LGSN: variants seen among roughly 807,000 people sequenced by gnomAD.
The protein encoded by LGSN is lengsin.
Under a neutral mutation model 19.5 loss-of-function variants are expected in LGSN, and 21 were observed. The ratio of observed to expected loss-of-function variants is 1.07; its 90% CI spans 0.76 to 1.55. The LOEUF (loss-of-function observed/expected upper bound fraction) is 1.55. Among genes scored for constraint, LGSN ranks in the 40% most tolerant of loss-of-function variants. The pLI, the probability that LGSN is intolerant of heterozygous loss-of-function variation, is 0.00. For missense variants in LGSN, 673 were observed against 608.5 expected (o/e 1.11, Z -1.12); for synonymous variants, 257 against 215.6 (o/e 1.19, Z -1.68).
At chr6:63,572,590 G>A in the LGSN span, 4 of 415,830 alleles carry the variant, frequency 9.6e-6, no homozygotes, top group Admixed American at 4.4e-5. Context: ...CGCCTGCATC[G>A]CCGCCACCGC....
At chr6:63,571,610 T>TA in the LGSN span, 3 of 152,238 alleles carry the variant, frequency 2.0e-5, no homozygotes, top group African/African-American at 7.2e-5. Context: ...TCTTAATTTC[T>TA]AAAAACGCTT....
At chr6:63,446,243 CAAAAAAAA>C in the LGSN span, among the ~76,000 whole-genome samples, 1 of 74,744 alleles carries the variant, frequency 1.3e-5, no homozygotes, top group Non-Finnish European at 2.4e-5. Context: ...GACTGTGTCT[CAAAAAAAA>C]AAAAAAAAAA....
the LGSN span, among the ~76,000 whole-genome samples, chr6:63,392,881 C>CTTTTTTTTT: frequency 1.2e-3 from 134 of 109,882 alleles, 1 homozygote; most frequent in African/African-American, 1.6e-3. Context: ...TCTTCTTCTT[C>CTTTTTTTTT]TTTTTTTTTT....
chr6:63,514,544 A>G, the LGSN span, among the ~76,000 whole-genome samples: 6 of 152,158 alleles, frequency 3.9e-5, no homozygotes, highest in Non-Finnish European at 5.9e-5. Context: ...ACGTTTTATC[A>G]TATATTTTTT....
At chr6:63,302,322 G>A (rs1315852464) in intron 1 of LGSN, among the ~76,000 whole-genome samples, 1 of 152,088 alleles carries the variant, frequency 6.6e-6, no homozygotes. Flanking sequence ...ACCATTTTAA[G>A]TCTTATTCAC....
At chr6:63,419,345 G>A in the LGSN span, among the ~76,000 whole-genome samples, 1 of 152,022 alleles carries the variant, frequency 6.6e-6, no homozygotes, top group Non-Finnish European at 1.5e-5. Context: ...GATTTTTTTA[G>A]GCACAACCAT....
chr6:63,422,368 A>C, the LGSN span, among the ~76,000 whole-genome samples: 75 of 152,142 alleles, frequency 4.9e-4, no homozygotes, highest in Admixed American at 7.9e-4. Flanking sequence ...CTGGTCCCCC[A>C]AAAAAATCTT....
chr6:63,492,036 A>G, the LGSN span, among the ~76,000 whole-genome samples: 398 of 151,724 alleles, frequency 2.6e-3, 5 homozygotes, highest in African/African-American at 8.2e-3. Context: ...TCTCAAAAAA[A>G]AAAAAAAAAA....
chr6:63,539,483 A>G, the LGSN span, among the ~76,000 whole-genome samples: 1 of 152,180 alleles, frequency 6.6e-6, no homozygotes, highest in Admixed American at 6.5e-5. Flanking sequence ...CTAAAAGAAA[A>G]TAGGCAAAGG....
chr6:63,420,070 G>GC, the LGSN span, among the ~76,000 whole-genome samples: 2 of 151,660 alleles, frequency 1.3e-5, no homozygotes, highest in Non-Finnish European at 2.9e-5. Context: ...GGGCATGATG[G>GC]CAGGCTCCTG....
chr6:63,534,911 C>A, the LGSN span, among the ~76,000 whole-genome samples: 1 of 150,616 alleles, frequency 6.6e-6, no homozygotes, highest in Non-Finnish European at 1.5e-5. Context: ...AATACAAAAA[C>A]TAGCTGGGTG....
the LGSN span, among the ~76,000 whole-genome samples, chr6:63,444,396 C>CT: frequency 3.9e-4 from 60 of 152,264 alleles, no homozygotes; most frequent in African/African-American, 1.4e-3. Flanking sequence ...GTGTGATAGA[C>CT]TAAAATCATT....
At chr6:63,417,436 A>G in the LGSN span, among the ~76,000 whole-genome samples, 1 of 152,148 alleles carries the variant, frequency 6.6e-6, no homozygotes, top group South Asian at 2.1e-4. Flanking sequence ...TCTCAGTCCT[A>G]AGGGTGATAG....
chr6:63,397,449 G>A, the LGSN span, among the ~76,000 whole-genome samples: 12 of 142,464 alleles, frequency 8.4e-5, no homozygotes, highest in African/African-American at 2.8e-4. Context: ...GTCGGCTTGG[G>A]AGAAAAAAAA....
At chr6:63,478,533 T>C in the LGSN span, among the ~76,000 whole-genome samples, 1 of 151,954 alleles carries the variant, frequency 6.6e-6, no homozygotes, top group African/African-American at 2.4e-5. Flanking sequence ...ATAAGTTGAG[T>C]TACATCACCC....
the LGSN span, among the ~76,000 whole-genome samples, chr6:63,454,256 G>A: frequency 1.3e-5 from 2 of 152,010 alleles, no homozygotes; most frequent in Non-Finnish European, 2.9e-5. Flanking sequence ...TTTTGCATGA[G>A]GGAAGTTTAA....
the LGSN span, among the ~76,000 whole-genome samples, chr6:63,505,633 G>GAAAGAAAGAAATAAATAAAT: frequency 1.6e-3 from 155 of 97,210 alleles, 13 homozygotes; most frequent in African/African-American, 5.1e-3. Context: ...AAGAAAGAAA[G>GAAAGAAAGAAATAAATAAAT]AAATTCTGGC....
upstream of LGSN, among the ~76,000 whole-genome samples, chr6:63,324,095 C>A (rs769715026): frequency 1.6e-4 from 24 of 152,002 alleles, no homozygotes; most frequent in Admixed American, 5.2e-4. Context: ...TTGATACAGC[C>A]CATGTCATGC....
At chr6:63,298,378 A>G (rs1169054349) in intron 1 of LGSN, among the ~76,000 whole-genome samples, 1 of 152,246 alleles carries the variant, frequency 6.6e-6, no homozygotes, top group East Asian at 1.9e-4. Context: ...CTCAATAACT[A>G]ATTGGATTAT....
Sources: allele counts gnomAD v4.1 joint callset (sites outside exome capture counted in the v4.1 genomes callset), GRCh38; gene constraint gnomAD v4.1.1; transcripts MANE v1.5; gene names NCBI Gene and HGNC (gene_info 2026-07-23, HGNC 2026-07-21).